The following CLHC1 variants were observed in gnomAD, a reference collection of about 807,000 sequenced individuals.
The protein encoded by CLHC1 is clathrin heavy chain linker domain containing 1.
A neutral mutation model predicts 69.5 loss-of-function variants in CLHC1; 72 were observed. That is an observed-to-expected ratio of 1.04 (90% CI 0.86 to 1.26). The LOEUF is 1.26. CLHC1 is among the 50% of genes most tolerant of loss of function. CLHC1 has a pLI of 0.00. For missense variants in CLHC1, 790 were observed against 679.3 expected, an observed-to-expected ratio of 1.16 and a Z score of -1.81; for synonymous variants, 223 against 224.3, an observed-to-expected ratio of 0.99 and a Z score of 0.05.
chr2:55,181,447 A>C, intron 10 of CLHC1, 123 bp downstream of exon 10: 1 of 749,662 alleles, frequency 1.3e-6, no homozygotes, highest in Non-Finnish European at 2.1e-6. Context: ...CTTTCTGATT[A>C]ATTGCAATAG....
intron 2 of CLHC1, 116 bp from the exon 3 acceptor site, chr2:55,222,609 C>A (rs1343714594): frequency 2.2e-6 from 1 of 462,538 alleles, no homozygotes; most frequent in Non-Finnish European, 3.8e-6. Context: ...GTGATAAATA[C>A]TTCAACCTAT....
At chr2:55,208,578 C>T in intron 8 of CLHC1, 48 bp downstream of exon 8, 1 of 1,182,452 alleles carries the variant, frequency 8.5e-7, no homozygotes, top group Non-Finnish European at 1.3e-6. Context: ...CACAAAGAAT[C>T]TATGAAAAAA....
Position 55,212,714 on chromosome 2 carries a change from T to G in CLHC1, c.458A>C (p.Lys153Thr), listed in dbSNP as rs568254867. The stretch of plus-strand genomic sequence containing the variant: ...AGGATCTTTGGAGAAAGTACAATAT[T>G]TTACTTCTTTTGTGTCATACTCTGC... ...CRAEYDTKEV[K>T]YCTFSKDPSK... The change falls in exon 5 of 13, where the codon AAA (lysine) becomes ACA (threonine). Residue 153 changes from lysine to threonine, a missense_variant. Coordinates refer to ENST00000401408, the MANE Select transcript of CLHC1 (RefSeq NM_152385.4). 26 of 1,597,778 alleles carry G rather than the reference T, an allele frequency of 1.6e-5. No homozygotes were observed. The Admixed American group carries it at 1.7e-4, about 10-fold the overall frequency.
chr2:55,208,201 G>C (rs1407545726), intron 8 of CLHC1, among the ~76,000 whole-genome samples: 1 of 152,164 alleles, frequency 6.6e-6, no homozygotes, highest in Non-Finnish European at 1.5e-5. Context: ...AAGTGTTTTG[G>C]ATTTCAGATT....
intron 9 of CLHC1, among the ~76,000 whole-genome samples, chr2:55,182,764 G>A (rs968484783): frequency 1.3e-5 from 2 of 152,178 alleles, no homozygotes; most frequent in African/African-American, 4.8e-5. Flanking sequence ...TAAGGGTGAA[G>A]GAGATTCCAT....
chr2:55,212,638 G>T, intron 5 of CLHC1, 35 bp downstream of exon 5: 1 of 1,530,492 alleles, frequency 6.5e-7, no homozygotes, highest in Non-Finnish European at 9.0e-7. Flanking sequence ...AAATAATCAG[G>T]ATTTCTCTCA....
At chr2:55,199,107 G>A (rs1671695657) in intron 9 of CLHC1, among the ~76,000 whole-genome samples, 4 of 151,812 alleles carry the variant, frequency 2.6e-5, no homozygotes, top group Admixed American at 2.0e-4. Context: ...AACCAGCCTG[G>A]GCAACATGGT....
Position 55,175,955 on chromosome 2 carries a change from G to C in CLHC1, c.1596C>G (p.Ser532=). The change falls in exon 13 of 13, where the codon TCC becomes TCG. Residue 532 remains serine, a synonymous_variant. Transcript: ENST00000401408. ...CTTGCCACTTTTCTATGGAGCAAAA[G>C]GAATCATTTATCATAAGACTTTCTA... ...DAVESLMIND[S]FCSIEKWQEV... 6.2e-7 allele frequency: 1 copy of C among 1,613,888 alleles called. No homozygotes were observed. The highest frequency in any genetic ancestry group is 8.5e-7 in the Non-Finnish European group (1 of 1,179,872).
chr2:55,187,592 G>T (rs988313325), intron 9 of CLHC1, among the ~76,000 whole-genome samples: 17 of 151,860 alleles, frequency 1.1e-4, no homozygotes, highest in Non-Finnish European at 5.9e-5. Flanking sequence ...TCCAGCTCAG[G>T]TGACAGAGCA....
At chr2:55,191,852 AGTGTGGTG>A (rs1298627610) in intron 9 of CLHC1, among the ~76,000 whole-genome samples, 2 of 152,104 alleles carry the variant, frequency 1.3e-5, no homozygotes, top group African/African-American at 2.4e-5. Context: ...ACACCAGTGA[AGTGTGGTG>A]GTGTGGTGGT....
At chr2:55,209,853 C>A in intron 5 of CLHC1, 22 bp from the exon 6 acceptor site, 2 of 1,507,486 alleles carry the variant, frequency 1.3e-6, no homozygotes, top group South Asian at 2.3e-5. Context: ...GGGAACAAAT[C>A]AAACACGACA....
At chr2:55,179,266 A>G (rs1345565587) in intron 11 of CLHC1, among the ~76,000 whole-genome samples, 2 of 152,032 alleles carry the variant, frequency 1.3e-5, no homozygotes, top group Non-Finnish European at 2.9e-5. Context: ...TAACCAAATC[A>G]CTTAGCTCTA....
At chr2:55,219,974 G>A (rs986750970) in intron 3 of CLHC1, among the ~76,000 whole-genome samples, 2 of 152,070 alleles carry the variant, frequency 1.3e-5, no homozygotes, top group African/African-American at 4.8e-5. Flanking sequence ...GGCCTCAAGC[G>A]ATGCTCCTAC....
At chr2:55,231,688 A>C (rs1675382397) in intron 1 of CLHC1, among the ~76,000 whole-genome samples, 1 of 152,184 alleles carries the variant, frequency 6.6e-6, no homozygotes, top group Non-Finnish European at 1.5e-5. Context: ...GACAGGGAGA[A>C]CTTGCTTCTA....
rs775858944 is a variant in CLHC1 at position 55,212,667 on chromosome 2, C to G, written c.499+6G>C. On this transcript the variant is annotated splice_donor_region_variant and intron_variant, in intron 5 of 12. Transcript: ENST00000401408. ...TCTCTCAAATATTTTAAACAAAATA[C>G]AATACCTGGAATAGGTTTTGAAGGA... is the stretch of plus-strand genomic sequence containing the variant. 6 of 1,585,960 alleles carry G rather than the reference C, an allele frequency of 3.8e-6. No individual in the cohort carries two copies. Among genetic ancestry groups the G allele is most frequent in the Non-Finnish European group, 5.2e-6 (6 of 1,158,088 alleles).
intron 3 of CLHC1, chr2:55,218,270 A>T (rs1164625806): frequency 4.4e-6 from 1 of 226,800 alleles, no homozygotes; most frequent in African/African-American, 2.2e-5. Context: ...GAACACATGC[A>T]TTATATGATT....
At chr2:55,220,010 C>T (rs147683716) in intron 3 of CLHC1, among the ~76,000 whole-genome samples, 1 of 152,306 alleles carries the variant, frequency 6.6e-6, no homozygotes, top group African/African-American at 2.4e-5. Context: ...TCTAGGATTA[C>T]AGACATGAGC....
At chr2:55,177,437 T>C (rs573947006) in intron 12 of CLHC1, among the ~76,000 whole-genome samples, 165 bp downstream of exon 12, 1 of 152,282 alleles carries the variant, frequency 6.6e-6, no homozygotes, top group East Asian at 1.9e-4. Flanking sequence ...CTATTACCAA[T>C]AGATTATTAT....
chr2:55,180,083 G>C (rs1669773527), intron 11 of CLHC1, among the ~76,000 whole-genome samples: 1 of 152,176 alleles, frequency 6.6e-6, no homozygotes, highest in African/African-American at 2.4e-5. Context: ...GAACCCAGGA[G>C]GCAGAGCTTG....
Sources: gnomAD v4.1 joint callset for allele counts (sites outside exome capture counted in the v4.1 genomes callset) on GRCh38, gnomAD v4.1.1 for gene constraint, MANE v1.5 for transcripts, NCBI Gene and HGNC (gene_info 2026-07-23, HGNC 2026-07-21) for gene names.